Variants in COL8A1 observed in about 807,000 individuals in gnomAD.
The protein encoded by COL8A1 is collagen alpha-1(VIII) chain.
COL8A1 carries 21 observed loss-of-function variants against 42.7 expected under a neutral mutation model. The ratio of observed to expected loss-of-function variants is 0.49; its 90% confidence interval spans 0.35 to 0.71. The LOEUF is 0.71. Among genes scored for constraint, COL8A1 ranks in the 30% least tolerant of loss-of-function variants. COL8A1 has a pLI of 0.01. For synonymous variants in COL8A1, 367 were observed against 369.1 expected, an observed-to-expected ratio of 0.99 and a Z score of 0.06; for missense variants, 788 against 962.4, an observed-to-expected ratio of 0.82 and a Z score of 2.40.
At chr3:99,705,635 C>A (rs1207022395) in intron 1 of COL8A1, among the ~76,000 whole-genome samples, 1 of 152,128 alleles carries the variant, frequency 6.6e-6, no homozygotes, top group African/African-American at 2.4e-5. Flanking sequence ...AAGTCTAATA[C>A]ATGACAGATC....
At chr3:99,723,204 G>T (rs1003291853) in intron 1 of COL8A1, among the ~76,000 whole-genome samples, 1 of 152,204 alleles carries the variant, frequency 6.6e-6, no homozygotes, top group Non-Finnish European at 1.5e-5. Context: ...ATTTAAGTTA[G>T]ATGGAAAGAT....
chr3:99,783,573 A>G (rs1218215057), intron 2 of COL8A1, among the ~76,000 whole-genome samples: 1 of 152,220 alleles, frequency 6.6e-6, no homozygotes, highest in African/African-American at 2.4e-5. Context: ...TCACACTGCT[A>G]TAAAGAACTA....
At chr3:99,682,615 T>TAA (rs34375356) in intron 1 of COL8A1, among the ~76,000 whole-genome samples, 1 of 142,030 alleles carries the variant, frequency 7.0e-6, no homozygotes, top group Non-Finnish European at 1.5e-5. Context: ...AATGTGAAAT[T>TAA]AAAAAAAAAA....
At chr3:99,779,374 A>T (rs574713057) in intron 2 of COL8A1, among the ~76,000 whole-genome samples, 25 of 152,346 alleles carry the variant, frequency 1.6e-4, no homozygotes, top group African/African-American at 5.3e-4. Context: ...GATTTTGCTG[A>T]CCTAAAGGTT....
intron 2 of COL8A1, among the ~76,000 whole-genome samples, chr3:99,784,870 A>G (rs1015514177): frequency 6.6e-6 from 1 of 152,228 alleles, no homozygotes; most frequent in Non-Finnish European, 1.5e-5. Flanking sequence ...TCATAGATCA[A>G]TATAGTTAGA....
intron 1 of COL8A1, among the ~76,000 whole-genome samples, chr3:99,730,861 T>G (rs1415710097): frequency 6.6e-6 from 1 of 152,178 alleles, no homozygotes; most frequent in Non-Finnish European, 1.5e-5. Context: ...AAATTGAAGC[T>G]ATGTACTTAA....
At chr3:99,728,020 C>A (rs1206051695) in intron 1 of COL8A1, among the ~76,000 whole-genome samples, 1 of 149,892 alleles carries the variant, frequency 6.7e-6, no homozygotes, top group Non-Finnish European at 1.5e-5. Context: ...CTATGACAAA[C>A]CCACAGCCAA....
chr3:99,783,877 T>C (rs910635927), intron 2 of COL8A1, among the ~76,000 whole-genome samples: 2 of 152,170 alleles, frequency 1.3e-5, no homozygotes, highest in Non-Finnish European at 2.9e-5. Flanking sequence ...CCTTGACATA[T>C]GGGGATTACA....
At chr3:99,663,463 C>T (rs1162952905) in intron 1 of COL8A1, among the ~76,000 whole-genome samples, 1 of 152,116 alleles carries the variant, frequency 6.6e-6, no homozygotes, top group Non-Finnish European at 1.5e-5. Flanking sequence ...AAGCAAATAC[C>T]AGTTGTTTGG....
intron 1 of COL8A1, among the ~76,000 whole-genome samples, chr3:99,660,118 C>T (rs764450604): frequency 5.3e-4 from 80 of 152,270 alleles, no homozygotes; most frequent in Non-Finnish European, 7.8e-4. Context: ...CATTCCAACC[C>T]GGAATCACGC....
intron 1 of COL8A1, among the ~76,000 whole-genome samples, chr3:99,643,153 G>T (rs1220286860): frequency 6.6e-6 from 1 of 152,212 alleles, no homozygotes; most frequent in Admixed American, 6.5e-5. Context: ...TCTCCAGCCA[G>T]TGCTTAATCT....
At chr3:99,688,185 T>G (rs578096512) in intron 1 of COL8A1, among the ~76,000 whole-genome samples, 6 of 152,232 alleles carry the variant, frequency 3.9e-5, no homozygotes, top group Admixed American at 2.0e-4. Flanking sequence ...ATGTATTTCT[T>G]GCTTACTGTT....
At chr3:99,645,611 G>A (rs1559766392) in intron 1 of COL8A1, among the ~76,000 whole-genome samples, 3 of 151,662 alleles carry the variant, frequency 2.0e-5, no homozygotes, top group Non-Finnish European at 4.4e-5. Context: ...TAAGTTTTTC[G>A]GATCGAAGGC....
intron 2 of COL8A1, among the ~76,000 whole-genome samples, chr3:99,790,009 A>T (rs993732230): frequency 3.3e-5 from 5 of 152,184 alleles, no homozygotes; most frequent in Admixed American, 6.5e-5. Flanking sequence ...TTTATTTGTG[A>T]CTACATCAAA....
intron 2 of COL8A1, among the ~76,000 whole-genome samples, chr3:99,764,677 A>ATT (rs760025949): frequency 8.0e-6 from 1 of 125,576 alleles, no homozygotes; most frequent in Non-Finnish European, 1.6e-5. Context: ...AGTCAGGCAG[A>ATT]TTTTTCTTTT....
rs1221270316 is a variant in COL8A1, at chr3:99,796,607, G to A, written c.*471G>A. ...TCCTCTGTATTTGTGTAGATACTTTGACATGGAATATATGGTGGGGAGACC... is the reference window on the plus strand; with the variant it reads ...TCCTCTGTATTTGTGTAGATACTTTAACATGGAATATATGGTGGGGAGACC... On this transcript the variant is annotated 3_prime_UTR_variant, in exon 4 of 4. Transcript: ENST00000652472. The A allele has an allele frequency of 6.6e-6, 1 of 152,148 alleles. No homozygotes were observed. Among genetic ancestry groups the A allele is most frequent in the Non-Finnish European group, 1.5e-5 (1 of 68,290 alleles). The allele number at this position is 152,148 out of a possible 1,614,324, so 9.4% of individuals were successfully genotyped here. A position where few individuals can be genotyped will look rare whatever the true frequency, so the allele number is the denominator to read the frequency against.
intron 1 of COL8A1, among the ~76,000 whole-genome samples, chr3:99,727,153 G>T (rs1173791008): frequency 6.6e-6 from 1 of 151,984 alleles, no homozygotes; most frequent in African/African-American, 2.4e-5. Context: ...GAATTCCTAG[G>T]TATTTTATTC....
chr3:99,794,801 T>A lies in COL8A1; in HGVS notation c.900T>A (p.Pro300=), dbSNP rs114008241. The change falls in exon 4 of 4, where the codon CCT becomes CCA. Residue 300 remains proline (P), a synonymous_variant. Coordinates refer to ENST00000652472, the MANE Select transcript of COL8A1 (RefSeq NM_020351.4). This position sits in a 1 kb window ranked among gnomAD's most constrained non-coding sequence, Gnocchi z 4.3. ...CAGGAGAACCTGGGCCACAAGGCCCTATTGGGGTACCGGGGGTTCAAGGAC... is the reference window on the plus strand; with the variant it reads ...CAGGAGAACCTGGGCCACAAGGCCCAATTGGGGTACCGGGGGTTCAAGGAC... The part of the protein sequence containing the change: ...GAPGEPGPQG[P]IGVPGVQGPP... 494 of 1,610,552 alleles carry A rather than the reference T, an allele frequency of 3.1e-4. 2 individuals carry two copies. The African/African-American group carries it at 6.1e-3, about 20-fold the overall frequency.
rs542750098 is a variant in COL8A1 at position 99,668,937 on chromosome 3, A to G, written c.-129+30273A>G. On this transcript the variant is annotated intron_variant, in intron 1 of 3. Transcript: ENST00000652472. Reference sequence around the variant, plus strand: ...AACTTAACAGCATAAAACAATACACATTTATTATATCGCAGCTTTAGTAGG... The same window carrying G: ...AACTTAACAGCATAAAACAATACACGTTTATTATATCGCAGCTTTAGTAGG... Among the ~76,000 whole-genome samples the G allele has an allele frequency of 2.0e-5, 3 of 151,810 alleles. No homozygotes were observed. The South Asian group carries it at 6.2e-4, about 32-fold the overall frequency.
Sources: gnomAD v4.1 joint callset for allele counts (sites outside exome capture counted in the v4.1 genomes callset) on GRCh38, gnomAD v4.1.1 for gene constraint, Gnocchi (gnomAD v3.1) non-coding constraint, MANE v1.5 for transcripts, NCBI Gene and HGNC (gene_info 2026-07-23, HGNC 2026-07-21) for gene names.